The following TAOK1 variants were observed in gnomAD, a reference collection of about 807,000 sequenced individuals.
TAOK1 encodes the protein TAO kinase 1, also known as serine/threonine-protein kinase TAO1.
In TAOK1, 21 loss-of-function variants were observed where a neutral mutation model predicts 138.3. That is an observed-to-expected ratio of 0.15 (90% CI 0.11 to 0.22). The LOEUF (loss-of-function observed/expected upper bound fraction) is 0.22, where lower values mean the gene tolerates loss of function less well. Ranked by LOEUF, TAOK1 falls within the 10% of genes least tolerant of loss-of-function variation. The pLI is 1.00. For missense variants in TAOK1, 651 were observed against 1,227.7 expected, an observed-to-expected ratio of 0.53 and a Z score of 7.02; for synonymous variants, 361 against 398.4, an observed-to-expected ratio of 0.91 and a Z score of 1.12.
At chr17:29,457,830 G>A (rs1176686829) in intron 2 of TAOK1, among the ~76,000 whole-genome samples, 2 of 151,946 alleles carry the variant, frequency 1.3e-5, no homozygotes, top group African/African-American at 4.8e-5. Context: ...ATAACAAAAG[G>A]CCAGGCACGG....
At chr17:29,468,310 G>C (rs1015025294) in intron 3 of TAOK1, among the ~76,000 whole-genome samples, 6 of 149,106 alleles carry the variant, frequency 4.0e-5, no homozygotes, top group Admixed American at 6.7e-5. Context: ...CTAATTTTTT[G>C]TATTTTAGTA....
At chr17:29,473,578 G>A (rs1407361286) in intron 3 of TAOK1, among the ~76,000 whole-genome samples, 2 of 149,942 alleles carry the variant, frequency 1.3e-5, no homozygotes, top group Non-Finnish European at 3.0e-5. Context: ...CAGTGTGGAT[G>A]GCAGAGTGAA....
At chr17:29,410,922 A>G (rs1159647811) in intron 1 of TAOK1, among the ~76,000 whole-genome samples, 1 of 151,998 alleles carries the variant, frequency 6.6e-6, no homozygotes, top group Admixed American at 6.6e-5. Context: ...GGTGTGAGCC[A>G]CTGCACTCGG....
At chr17:29,497,107 G>T (rs923381112) in intron 11 of TAOK1, among the ~76,000 whole-genome samples, 23 of 152,146 alleles carry the variant, frequency 1.5e-4, no homozygotes, top group African/African-American at 5.3e-4. Context: ...TATATTATGT[G>T]TAAAGCTATT....
chr17:29,400,241 A>G (rs1368060208), intron 1 of TAOK1, among the ~76,000 whole-genome samples: 1 of 151,982 alleles, frequency 6.6e-6, no homozygotes, highest in African/African-American at 2.4e-5. Flanking sequence ...TAAAAACACA[A>G]AAATTAGCTG....
chr17:29,423,158 CTTT>C (rs35494186), intron 1 of TAOK1, among the ~76,000 whole-genome samples: 2 of 120,690 alleles, frequency 1.7e-5, no homozygotes, highest in African/African-American at 3.3e-5. Context: ...TTTGCTCTTC[CTTT>C]TTTTTTTTTT....
chr17:29,461,304 A>G (rs2030526105), intron 2 of TAOK1, among the ~76,000 whole-genome samples: 2 of 152,236 alleles, frequency 1.3e-5, no homozygotes, highest in Non-Finnish European at 2.9e-5. Context: ...TACTTTGGTT[A>G]TTCATGAGAA....
At chr17:29,425,334 A>C (rs551797002) in intron 1 of TAOK1, among the ~76,000 whole-genome samples, 23 of 152,186 alleles carry the variant, frequency 1.5e-4, no homozygotes, top group African/African-American at 5.3e-4. Flanking sequence ...TGGCCTCCCA[A>C]AGTGCTGGGA....
chr17:29,426,160 G>T (rs900059074), intron 1 of TAOK1, among the ~76,000 whole-genome samples: 1 of 152,146 alleles, frequency 6.6e-6, no homozygotes. Flanking sequence ...GATTACAGGC[G>T]TGAGCCACCG....
intron 16 of TAOK1, among the ~76,000 whole-genome samples, chr17:29,518,654 A>C (rs1348773753): frequency 6.6e-6 from 1 of 152,304 alleles, no homozygotes; most frequent in East Asian, 1.9e-4. Flanking sequence ...GCAATTTTTT[A>C]TATCTCCAGT....
intron 1 of TAOK1, among the ~76,000 whole-genome samples, chr17:29,443,685 A>AATCCCC (rs1158426112): frequency 2.0e-5 from 3 of 152,222 alleles, no homozygotes; most frequent in Admixed American, 6.5e-5. Flanking sequence ...GGATATGGTA[A>AATCCCC]ATTGCTTTAA....
intron 1 of TAOK1, among the ~76,000 whole-genome samples, chr17:29,395,795 C>CT (rs1419800896): frequency 2.7e-5 from 4 of 147,744 alleles, no homozygotes; most frequent in African/African-American, 1.0e-4. Flanking sequence ...GTAGCTGGCA[C>CT]TACAGGTACA....
intron 1 of TAOK1, among the ~76,000 whole-genome samples, chr17:29,445,744 G>C (rs1025146199): frequency 2.0e-5 from 3 of 151,970 alleles, no homozygotes; most frequent in Non-Finnish European, 2.9e-5. Flanking sequence ...CTTTTATGTT[G>C]ATGACTTTTG....
chr17:29,514,702 A>T (rs140594951), intron 15 of TAOK1: 1 of 151,984 alleles, frequency 6.6e-6, no homozygotes, highest in Non-Finnish European at 1.5e-5. Flanking sequence ...TTACCAAAAG[A>T]GTATCAAGGC....
intron 1 of TAOK1, among the ~76,000 whole-genome samples, chr17:29,392,471 G>A (rs570373226): frequency 8.3e-4 from 127 of 152,254 alleles, no homozygotes; most frequent in Non-Finnish European, 1.2e-3. Context: ...TTGTCTGAAA[G>A]CAGATCATCT....
intron 15 of TAOK1, among the ~76,000 whole-genome samples, chr17:29,516,447 G>A (rs1442427898): frequency 2.0e-5 from 3 of 150,944 alleles, no homozygotes; most frequent in South Asian, 4.2e-4. Context: ...CAACGCTCCT[G>A]CCTCAGCCTC....
At chr17:29,542,483 C>G in intron 19 of TAOK1, 78 bp from the exon 20 acceptor site, 1 of 1,312,936 alleles carries the variant, frequency 7.6e-7, no homozygotes, top group South Asian at 1.6e-5. Context: ...CACTTCAAAG[C>G]TGAATAATTA....
At chr17:29,397,129 T>C (rs1359710812) in intron 1 of TAOK1, among the ~76,000 whole-genome samples, 1 of 146,134 alleles carries the variant, frequency 6.8e-6, no homozygotes, top group Non-Finnish European at 1.5e-5. Context: ...ACCTCGTCTC[T>C]ACTAAAAATA....
intron 14 of TAOK1, 152 bp downstream of exon 14, chr17:29,508,284 C>T (rs1171615687): frequency 1.5e-6 from 1 of 658,482 alleles, no homozygotes; most frequent in African/African-American, 1.8e-5. Context: ...ATAAAGGTTT[C>T]TGTAAATTGA....
Sources: allele counts gnomAD v4.1 joint callset (sites outside exome capture counted in the v4.1 genomes callset), GRCh38; gene constraint gnomAD v4.1.1; transcripts MANE v1.5; gene names NCBI Gene and HGNC (gene_info 2026-07-23, HGNC 2026-07-21).